SPATA6: variants seen among roughly 807,000 people sequenced by gnomAD.
SPATA6 encodes the protein spermatogenesis-associated protein 6.
SPATA6 carries 56 observed loss-of-function variants against 65.3 expected under a neutral mutation model. The observed-to-expected ratio is 0.86, with a 90% CI of 0.69 to 1.07. The LOEUF (loss-of-function observed/expected upper bound fraction) is 1.07. Ranked by LOEUF, SPATA6 falls within the 50% of genes least tolerant of loss-of-function variation. The pLI, the probability that SPATA6 is intolerant of heterozygous loss-of-function variation, is 0.00. For synonymous variants in SPATA6, 199 were observed against 213.2 expected (o/e 0.93, Z 0.58); for missense variants, 590 against 594.8 (o/e 0.99, Z 0.08).
intron 1 of SPATA6, 64 bp from the exon 2 acceptor site, chr1:48,453,195 A>G (rs1010308312): frequency 1.5e-5 from 23 of 1,488,766 alleles, no homozygotes; most frequent in Non-Finnish European, 2.0e-5. Flanking sequence ...TCCTACTAAA[A>G]TAACTTATCA....
chr1:48,333,049 G>A (rs981661960), intron 11 of SPATA6, among the ~76,000 whole-genome samples: 3 of 152,200 alleles, frequency 2.0e-5, no homozygotes, highest in African/African-American at 7.2e-5. Flanking sequence ...AGGATGCAGA[G>A]TATTGTGTCT....
At chr1:48,437,008 C>A (rs1433494584) in intron 3 of SPATA6, 5 of 1,609,006 alleles carry the variant, frequency 3.1e-6, no homozygotes, top group Non-Finnish European at 1.7e-6. Context: ...CTTGGTACAG[C>A]TCTGTTTGCA....
At chr1:48,436,637 A>G in intron 3 of SPATA6, 2 of 1,614,126 alleles carry the variant, frequency 1.2e-6, no homozygotes, top group Admixed American at 3.3e-5. Flanking sequence ...GATTTCCCAC[A>G]GTTCAGCACA....
chr1:48,409,053 T>G (rs554038412), intron 5 of SPATA6, among the ~76,000 whole-genome samples: 1 of 152,352 alleles, frequency 6.6e-6, no homozygotes, highest in African/African-American at 2.4e-5. Flanking sequence ...CATTTCAGCA[T>G]TAACTCAAAA....
chr1:48,429,037 T>C (rs531573742), intron 3 of SPATA6, among the ~76,000 whole-genome samples: 2 of 151,522 alleles, frequency 1.3e-5, no homozygotes, highest in South Asian at 4.2e-4. Flanking sequence ...CAGCTCTTAG[T>C]ACAATAACAG....
chr1:48,356,821 G>A (rs1285723612), intron 10 of SPATA6, among the ~76,000 whole-genome samples: 1 of 151,900 alleles, frequency 6.6e-6, no homozygotes, highest in Non-Finnish European at 1.5e-5. Context: ...AATATCATAT[G>A]TTTATACAAA....
intron 11 of SPATA6, among the ~76,000 whole-genome samples, chr1:48,340,746 T>C (rs968409051): frequency 6.6e-5 from 10 of 151,956 alleles, no homozygotes; most frequent in African/African-American, 9.7e-5. Flanking sequence ...AGTTAAATAA[T>C]ATAAAACCTT....
the SPATA6 span, among the ~76,000 whole-genome samples, chr1:48,264,284 G>T: frequency 6.6e-6 from 1 of 152,224 alleles, no homozygotes; most frequent in South Asian, 2.1e-4. Context: ...GGCATACAAA[G>T]GATCTTCATG....
At chr1:48,346,467 C>G (rs1158829060) in intron 11 of SPATA6, among the ~76,000 whole-genome samples, 2 of 151,988 alleles carry the variant, frequency 1.3e-5, no homozygotes, top group African/African-American at 4.8e-5. Context: ...ATTGGAAATC[C>G]TGGACGGAGC....
At chr1:48,392,483 T>A (rs898493788) in intron 8 of SPATA6, among the ~76,000 whole-genome samples, 15 of 152,122 alleles carry the variant, frequency 9.9e-5, no homozygotes, top group African/African-American at 3.6e-4. Context: ...CAGTAACAGC[T>A]ACAATGTGCT....
At chr1:48,361,364 T>C (rs1038842521) in intron 9 of SPATA6, among the ~76,000 whole-genome samples, 3 of 152,056 alleles carry the variant, frequency 2.0e-5, no homozygotes, top group African/African-American at 7.2e-5. Context: ...AAATATAACT[T>C]GATAGGTCAA....
At chr1:48,339,754 A>T (rs1279471156) in intron 11 of SPATA6, among the ~76,000 whole-genome samples, 2 of 152,098 alleles carry the variant, frequency 1.3e-5, no homozygotes, top group African/African-American at 2.4e-5. Context: ...AATTGGAAAG[A>T]GCGCAAGAAA....
chr1:48,267,255 G>T, the SPATA6 span, among the ~76,000 whole-genome samples: 2 of 152,120 alleles, frequency 1.3e-5, no homozygotes, highest in Non-Finnish European at 2.9e-5. Context: ...TGCATCTAGG[G>T]TTTAGTGTTT....
At chr1:48,360,194 A>G (rs1347640569) in intron 9 of SPATA6, among the ~76,000 whole-genome samples, 2 of 152,190 alleles carry the variant, frequency 1.3e-5, no homozygotes, top group Non-Finnish European at 2.9e-5. Context: ...ACACATGAAC[A>G]AATCAGAAAA....
At chr1:48,313,672 AG>A (rs1645301313) in intron 11 of SPATA6, among the ~76,000 whole-genome samples, 1 of 152,214 alleles carries the variant, frequency 6.6e-6, no homozygotes, top group Non-Finnish European at 1.5e-5. Context: ...TCATAATGAC[AG>A]GATCAAATTC....
intron 11 of SPATA6, among the ~76,000 whole-genome samples, chr1:48,336,744 T>TCAG (rs1229382596): frequency 6.6e-5 from 10 of 151,998 alleles, no homozygotes. Context: ...TGAATTTACC[T>TCAG]ATATAACAAA....
intron 1 of SPATA6, 129 bp downstream of exon 1, chr1:48,471,829 G>C (rs781509109): frequency 7.3e-6 from 8 of 1,099,286 alleles, no homozygotes; most frequent in African/African-American, 1.5e-5. Context: ...CCGAAGGGGC[G>C]TGAGGTCGAC....
Position 48,305,922 on chromosome 1 carries a change from C to T in SPATA6, c.1195-44G>A, listed in dbSNP as rs754626302. 8.3e-6 allele frequency: 12 copies of T among 1,453,312 alleles called. No homozygotes were observed. The Admixed American group carries it at 1.6e-4, about 19-fold the overall frequency. The allele number at this position is 1,453,312 out of a possible 1,614,324, so 90.0% of individuals were successfully genotyped here. On this transcript the variant is annotated intron_variant, in intron 11 of 12. Transcript: ENST00000371847. ...TTCCATTAACTCACTGTCTCATTGT[C>T]CCCAAAATGATGCATATGTTTCTTC...
intron 8 of SPATA6, 40 bp from the exon 9 acceptor site, chr1:48,385,389 G>C: frequency 6.4e-7 from 1 of 1,570,490 alleles, no homozygotes; most frequent in Non-Finnish European, 8.6e-7. Flanking sequence ...TTTAAATTTG[G>C]TTTCATCTTT....
Sources: allele counts gnomAD v4.1 joint callset (sites outside exome capture counted in the v4.1 genomes callset), GRCh38; gene constraint gnomAD v4.1.1; transcripts MANE v1.5; gene names NCBI Gene and HGNC (gene_info 2026-07-23, HGNC 2026-07-21).